Variants in RAB11FIP2 observed in about 807,000 individuals in gnomAD.
RAB11FIP2 encodes the protein rab11 family-interacting protein 2.
A neutral mutation model predicts 40.9 loss-of-function variants in RAB11FIP2; 16 were observed. The observed-to-expected ratio is 0.39, with a 90% CI of 0.26 to 0.59. The LOEUF (loss-of-function observed/expected upper bound fraction) is 0.59. Among genes scored for constraint, RAB11FIP2 ranks in the 20% least tolerant of loss-of-function variants. The pLI is 0.53. For missense variants in RAB11FIP2, 532 were observed against 606.2 expected (o/e 0.88, Z 1.28); for synonymous variants, 228 against 213.7 (o/e 1.07, Z -0.58).
At chr10:118,037,886 T>C (rs1589647307) in intron 3 of RAB11FIP2, among the ~76,000 whole-genome samples, 1 of 152,106 alleles carries the variant, frequency 6.6e-6, no homozygotes. Flanking sequence ...GGTACAGTAT[T>C]TGCACATATA....
intron 3 of RAB11FIP2, among the ~76,000 whole-genome samples, chr10:118,034,260 A>C (rs1168884742): frequency 6.6e-6 from 1 of 152,078 alleles, no homozygotes; most frequent in Non-Finnish European, 1.5e-5. Flanking sequence ...GGATTGTGTT[A>C]AGAGTGTTAA....
chr10:118,021,694 C>T (rs553010318), intron 3 of RAB11FIP2, among the ~76,000 whole-genome samples: 11 of 152,340 alleles, frequency 7.2e-5, no homozygotes, highest in African/African-American at 2.4e-4. Context: ...AATCACCTCA[C>T]TCTTTAACCT....
chr10:118,038,687 C>T (rs1158230066), intron 3 of RAB11FIP2, among the ~76,000 whole-genome samples: 3 of 152,014 alleles, frequency 2.0e-5, no homozygotes, highest in African/African-American at 7.2e-5. Context: ...CGCCATGTCT[C>T]ATCACAAGCC....
Position 118,016,864 on chromosome 10 carries a change from A to G in RAB11FIP2, c.1266-1754T>C, listed in dbSNP as rs147892623. On this transcript the variant is annotated intron_variant, in intron 3 of 4. Coordinates refer to ENST00000355624, the MANE Select transcript of RAB11FIP2 (RefSeq NM_014904.3). ...ATGGCAACAGTATCTACCACATAAG[A>G]CTCCTGTGAAGATTCAATGAGTTAA... Among the ~76,000 whole-genome samples, 742 of 152,062 alleles carry G rather than the reference A, an allele frequency of 4.9e-3. 7 individuals are homozygous for G. Among genetic ancestry groups the G allele is most frequent in the African/African-American group, 0.017 (711 of 41,472 alleles).
chr10:118,013,083 A>G (rs1589637171), intron 4 of RAB11FIP2, among the ~76,000 whole-genome samples: 1 of 152,240 alleles, frequency 6.6e-6, no homozygotes, highest in African/African-American at 2.4e-5. Flanking sequence ...TAGGAAATGT[A>G]CATTTTTTAC....
At chr10:118,013,331 C>T (rs977424576) in intron 4 of RAB11FIP2, among the ~76,000 whole-genome samples, 1 of 152,008 alleles carries the variant, frequency 6.6e-6, no homozygotes, top group Admixed American at 6.6e-5. Context: ...TGTCCTACTC[C>T]CTTCATCTCC....
At chr10:118,033,960 G>C (rs894903422) in intron 3 of RAB11FIP2, 1 of 701,672 alleles carries the variant, frequency 1.4e-6, no homozygotes, top group Admixed American at 2.0e-5. Context: ...TGCATGCAGA[G>C]ACCCAGGCTG....
chr10:118,017,322 C>G (rs969203385), intron 3 of RAB11FIP2, among the ~76,000 whole-genome samples: 1 of 152,198 alleles, frequency 6.6e-6, no homozygotes, highest in Non-Finnish European at 1.5e-5. Flanking sequence ...TTCAAGAAGG[C>G]ACACGGTAGA....
At chr10:118,034,138 A>G in intron 3 of RAB11FIP2, 1 of 674,178 alleles carries the variant, frequency 1.5e-6, no homozygotes, top group South Asian at 1.5e-5. Context: ...TATGACGATA[A>G]TGCGGCTGTG....
At chr10:118,015,044 C>CT in intron 4 of RAB11FIP2, 21 bp downstream of exon 4, 1 of 1,597,626 alleles carries the variant, frequency 6.3e-7, no homozygotes, top group Non-Finnish European at 8.6e-7. Flanking sequence ...TGACAACCCT[C>CT]TAACCCCTTC....
chr10:118,034,148 G>A (rs1239912627), intron 3 of RAB11FIP2: 1 of 661,818 alleles, frequency 1.5e-6, no homozygotes, highest in Non-Finnish European at 2.8e-6. Context: ...ATGCGGCTGT[G>A]TTCGAACAAA....
intron 4 of RAB11FIP2, among the ~76,000 whole-genome samples, chr10:118,013,567 T>C (rs796122433): frequency 9.9e-5 from 15 of 152,258 alleles, no homozygotes; most frequent in African/African-American, 3.6e-4. Flanking sequence ...ATCTTCAACA[T>C]AAAAATTGTT....
chr10:118,040,156 G>C lies in RAB11FIP2; in HGVS notation c.763C>G (p.Gln255Glu), dbSNP rs752091310. The C allele has an allele frequency of 6.2e-7, 1 of 1,613,670 alleles. No individual in the cohort carries two copies. The highest frequency in any genetic ancestry group is 8.5e-7 in the Non-Finnish European group (1 of 1,179,702). Residue 255 changes from glutamine to glutamate, a missense_variant, in exon 2 of 5, where the codon CAG becomes GAG. By Grantham distance (29) the Gln-to-Glu change is conservative (BLOSUM62 2). Coordinates refer to ENST00000355624, the MANE Select transcript of RAB11FIP2 (RefSeq NM_014904.3). ...TIGQTHLLGHQLDSFGTVPES... is the reference protein window; with the variant it reads ...TIGQTHLLGHELDSFGTVPES... ...GGAACTGTTCCAAAGGAATCTAACT[G>C]GTGTCCGAGAAGATGTGTTTGACCT...
At chr10:118,009,344 G>A (rs1846130785) in intron 4 of RAB11FIP2, 119 bp from the exon 5 acceptor site, 1 of 927,656 alleles carries the variant, frequency 1.1e-6, no homozygotes, top group Non-Finnish European at 1.6e-6. Flanking sequence ...CGCTAGCCTT[G>A]CTTAAAGTGA....
At chr10:118,020,911 A>G (rs1846276502) in intron 3 of RAB11FIP2, among the ~76,000 whole-genome samples, 1 of 152,264 alleles carries the variant, frequency 6.6e-6, no homozygotes, top group African/African-American at 2.4e-5. Context: ...AAAGAACCAA[A>G]GAAAAATAAT....
At chr10:118,041,272 G>A (rs969906155) in intron 1 of RAB11FIP2, among the ~76,000 whole-genome samples, 4 of 151,482 alleles carry the variant, frequency 2.6e-5, no homozygotes, top group Non-Finnish European at 4.4e-5. Flanking sequence ...AACCTAAAAT[G>A]CTTCTTGTTT....
At chr10:118,034,638 T>C (rs935144509) in intron 3 of RAB11FIP2, among the ~76,000 whole-genome samples, 4 of 152,096 alleles carry the variant, frequency 2.6e-5, no homozygotes, top group Non-Finnish European at 5.9e-5. Flanking sequence ...GACAATTTAT[T>C]TGATAAAGCA....
intron 3 of RAB11FIP2, among the ~76,000 whole-genome samples, chr10:118,028,396 G>A (rs1846371477): frequency 6.6e-6 from 1 of 151,788 alleles, no homozygotes; most frequent in East Asian, 1.9e-4. Flanking sequence ...TAAAATATAA[G>A]TTCAAAGAGA....
chr10:118,008,892 G>A lies in RAB11FIP2; in HGVS notation c.*106C>T, dbSNP rs1003214922. On this transcript the variant is annotated 3_prime_UTR_variant, in exon 5 of 5. Coordinates refer to ENST00000355624, the MANE Select transcript of RAB11FIP2 (RefSeq NM_014904.3). ...TACTCTTCACAATAAAGGAGAATAT[G>A]TAATGAAACCTGATAGTGTAGTCTC... The A allele has an allele frequency of 1.1e-6, 1 of 883,134 alleles. No individual in the cohort carries two copies. The highest frequency in any genetic ancestry group is 1.8e-6 in the Non-Finnish European group (1 of 564,308). The allele number at this position is 883,134 out of a possible 1,614,324, so 54.7% of individuals were successfully genotyped here.
Sources: gnomAD v4.1 joint callset for allele counts (sites outside exome capture counted in the v4.1 genomes callset) on GRCh38, gnomAD v4.1.1 for gene constraint, MANE v1.5 for transcripts, NCBI Gene and HGNC (gene_info 2026-07-23, HGNC 2026-07-21) for gene names.